Variants in TUSC3 observed in about 807,000 individuals in gnomAD.
The protein encoded by TUSC3 is dolichyl-diphosphooligosaccharide--protein glycosyltransferase subunit TUSC3.
In TUSC3, 45 loss-of-function variants were observed where a neutral mutation model predicts 44.8. The observed-to-expected ratio is 1.00, with a 90% CI of 0.79 to 1.29. The LOEUF (loss-of-function observed/expected upper bound fraction) is 1.29, where lower values mean the gene tolerates loss of function less well. Ranked by LOEUF, TUSC3 falls within the 50% of genes most tolerant of loss-of-function variation. The pLI, the probability that TUSC3 is intolerant of heterozygous loss-of-function variation, is 0.00. For missense variants in TUSC3, 519 were observed against 437.9 expected (o/e 1.19, Z -1.65); for synonymous variants, 212 against 152.9 (o/e 1.39, Z -2.85).
intron 8 of TUSC3, among the ~76,000 whole-genome samples, chr8:15,744,798 C>G (rs1217217554): frequency 6.6e-6 from 1 of 152,010 alleles, no homozygotes; most frequent in Non-Finnish European, 1.5e-5. Flanking sequence ...TGAGGACATA[C>G]TATTTTTTTA....
At chr8:15,787,750 G>A in the TUSC3 span, among the ~76,000 whole-genome samples, 1 of 152,124 alleles carries the variant, frequency 6.6e-6, no homozygotes, top group Non-Finnish European at 1.5e-5. Flanking sequence ...CTTTATTCTA[G>A]ATTGAAAGTG....
At chr8:15,749,436 C>T (rs1811593561) in intron 9 of TUSC3, among the ~76,000 whole-genome samples, 1 of 152,036 alleles carries the variant, frequency 6.6e-6, no homozygotes, top group Admixed American at 6.5e-5. Context: ...TTCAGCCCCA[C>T]CCCCTCTATT....
chr8:15,596,393 A>G (rs1360052384), intron 1 of TUSC3, among the ~76,000 whole-genome samples: 1 of 152,146 alleles, frequency 6.6e-6, no homozygotes, highest in African/African-American at 2.4e-5. Flanking sequence ...ATTTTTCTCA[A>G]CCGAATGCAG....
At chr8:15,483,542 G>C (rs890896917) in intron 2 of TUSC3, 1 of 154,404 alleles carries the variant, frequency 6.5e-6, no homozygotes, top group Non-Finnish European at 1.4e-5. Context: ...GTTTCTCCAC[G>C]TTGATCAGGC....
At chr8:15,633,465 C>G (rs1480066530) in intron 2 of TUSC3, among the ~76,000 whole-genome samples, 1 of 152,134 alleles carries the variant, frequency 6.6e-6, no homozygotes. Context: ...CCAGGTAGCC[C>G]AGACTGTGGC....
At chr8:15,540,204 C>G (rs1054727002), upstream of TUSC3, 31 of 566,106 alleles carry the variant, frequency 5.5e-5, no homozygotes, top group Non-Finnish European at 7.4e-5. Context: ...GCCACGCCCA[C>G]TTCCTGCCCC....
intron 6 of TUSC3, among the ~76,000 whole-genome samples, chr8:15,730,042 G>C (rs549219169): frequency 2.0e-5 from 3 of 152,016 alleles, no homozygotes; most frequent in Non-Finnish European, 4.4e-5. Flanking sequence ...CACAGTCACT[G>C]ATATTCGTAA....
the TUSC3 span, among the ~76,000 whole-genome samples, chr8:15,798,416 T>A: frequency 6.6e-6 from 1 of 152,126 alleles, no homozygotes; most frequent in Non-Finnish European, 1.5e-5. Context: ...AGTAGGTGGA[T>A]ATAACCTTTG....
chr8:15,593,958 A>G (rs1354899741), intron 1 of TUSC3, among the ~76,000 whole-genome samples: 1 of 152,054 alleles, frequency 6.6e-6, no homozygotes, highest in African/African-American at 2.4e-5. Context: ...AAATCACTCT[A>G]TGTCCCTGTC....
intron 1 of TUSC3, among the ~76,000 whole-genome samples, chr8:15,478,727 T>C (rs1177786322): frequency 6.6e-6 from 1 of 152,204 alleles, no homozygotes; most frequent in East Asian, 1.9e-4. Context: ...TTGTGAATAG[T>C]GCTGCAAAGA....
Position 15,465,131 on chromosome 8 carries a change from G to A in TUSC3, n.92-18255G>A, listed in dbSNP as rs1253022432. Among the ~76,000 whole-genome samples, 3 of 152,208 alleles carry A rather than the reference G, an allele frequency of 2.0e-5. No homozygotes were observed. In the East Asian group the frequency reaches 5.8e-4, roughly 29 times the overall value. On this transcript the variant is annotated intron_variant and non_coding_transcript_variant, in intron 1 of 5. Coordinates refer to the TUSC3 transcript ENST00000503191. ...CAAATTGCTGGGATTACAGGCATGA[G>A]CCACTGTGCCTGGTCAAAGACTTCT...
At chr8:15,790,740 A>C in the TUSC3 span, among the ~76,000 whole-genome samples, 3 of 152,182 alleles carry the variant, frequency 2.0e-5, no homozygotes, top group Non-Finnish European at 2.9e-5. Flanking sequence ...CACAAATGAT[A>C]GAACTGGTAA....
At chr8:15,725,487 T>G (rs1716902850) in intron 6 of TUSC3, among the ~76,000 whole-genome samples, 1 of 152,140 alleles carries the variant, frequency 6.6e-6, no homozygotes, top group Non-Finnish European at 1.5e-5. Context: ...AACTCAGATA[T>G]AGTTTGCTAT....
At chr8:15,783,386 A>G in the TUSC3 span, among the ~76,000 whole-genome samples, 2 of 152,224 alleles carry the variant, frequency 1.3e-5, no homozygotes, top group Non-Finnish European at 2.9e-5. Context: ...TAAAATGTAT[A>G]TGGAAGCACA....
chr8:15,814,875 A>G, the TUSC3 span, among the ~76,000 whole-genome samples: 1 of 152,316 alleles, frequency 6.6e-6, no homozygotes, highest in African/African-American at 2.4e-5. Context: ...TTGATTGCCT[A>G]CTGTATACTT....
At chr8:15,607,415 G>A (rs1285043951) in intron 1 of TUSC3, among the ~76,000 whole-genome samples, 4 of 152,126 alleles carry the variant, frequency 2.6e-5, no homozygotes, top group African/African-American at 9.7e-5. Flanking sequence ...TGTAAAGTGT[G>A]TGTATAGTTT....
the TUSC3 span, among the ~76,000 whole-genome samples, chr8:15,788,514 T>C: frequency 1.9e-4 from 27 of 141,156 alleles, no homozygotes; most frequent in Admixed American, 7.5e-5. Context: ...GCCACTGCAC[T>C]CCAGCCTGGG....
rs144879569 is a variant in TUSC3 at position 15,638,982 on chromosome 8, C to T, written c.309-11715C>T. Among the ~76,000 whole-genome samples the T allele has an allele frequency of 2.7e-3, 404 of 147,144 alleles. 2 individuals are homozygous for T. Among genetic ancestry groups the T allele is most frequent in the African/African-American group, 9.7e-3 (384 of 39,460 alleles). On this transcript the variant is annotated intron_variant, in intron 2 of 10. Transcript: ENST00000503731. ...ATGATCATGTGTCGATGCTAGATCACGTGATGTTCAAGGCTTCAGTGATGA... is the reference window on the plus strand; with the variant it reads ...ATGATCATGTGTCGATGCTAGATCATGTGATGTTCAAGGCTTCAGTGATGA...
intron 2 of TUSC3, among the ~76,000 whole-genome samples, chr8:15,495,652 G>T (rs934182289): frequency 1.3e-5 from 2 of 152,230 alleles, no homozygotes; most frequent in South Asian, 4.1e-4. Flanking sequence ...CCTTTGGGGG[G>T]CAGTATGGGA....
Sources: allele counts gnomAD v4.1 joint callset (sites outside exome capture counted in the v4.1 genomes callset), GRCh38; gene constraint gnomAD v4.1.1; transcripts MANE v1.5; gene names NCBI Gene and HGNC (gene_info 2026-07-23, HGNC 2026-07-21).